The following CHSY1 variants were observed in gnomAD, a reference collection of about 807,000 sequenced individuals.
The protein encoded by CHSY1 is N-acetylgalactosaminyl-proteoglycan 3-beta-glucuronosyltransferase 1.
CHSY1 carries 13 observed loss-of-function variants against 59.8 expected under a neutral mutation model. That is an observed-to-expected ratio of 0.22 (90% CI 0.14 to 0.35). The LOEUF is 0.35. CHSY1 is among the 10% of genes least tolerant of loss of function. CHSY1 has a pLI of 1.00. For synonymous variants in CHSY1, 459 were observed against 401.2 expected, an observed-to-expected ratio of 1.14 and a Z score of -1.72; for missense variants, 947 against 1,030.6, an observed-to-expected ratio of 0.92 and a Z score of 1.11.
Position 101,251,737 on chromosome 15 carries a change from GC to G in CHSY1, c.-282del, listed in dbSNP as rs2039117779. 6.7e-6 allele frequency: 1 copy of G among 148,882 alleles called. No homozygotes were observed. Among genetic ancestry groups the G allele is most frequent in the South Asian group, 2.1e-4 (1 of 4,828 alleles). 9.2% of individuals were successfully genotyped at this position (148,882 alleles called of 1,614,324 possible). On this transcript the variant is annotated 5_prime_UTR_variant, in exon 1 of 3. The change abolishes the stop of an existing upstream ORF in the 5' untranslated region. Coordinates refer to ENST00000254190, the MANE Select transcript of CHSY1 (RefSeq NM_014918.5). ...GCGGCGGCTCGGGCGCGAGGTGGCGGCGGCTCCTCCCGCTCGCGCGCGGGGA... is the reference window on the plus strand; with the variant it reads ...GCGGCGGCTCGGGCGCGAGGTGGCGGGGCTCCTCCCGCTCGCGCGCGGGGA...
intron 2 of CHSY1, among the ~76,000 whole-genome samples, chr15:101,215,722 G>A (rs746915192): frequency 3.9e-5 from 6 of 152,322 alleles, no homozygotes; most frequent in Middle Eastern, 3.4e-3. Flanking sequence ...GCAACAAATC[G>A]AGACTCTGTC....
At position 101,251,337 on chromosome 15, in the gene CHSY1, C is replaced by G. The variant is rs772693719; in HGVS notation, c.120G>C (p.Arg40=). Residue 40 remains arginine, a synonymous_variant, in exon 1 of 3, where the codon CGG becomes CGC. Coordinates refer to ENST00000254190, the MANE Select transcript of CHSY1 (RefSeq NM_014918.5). ...RASELKRAGP[R]RRASPEGCRS... The stretch of plus-strand genomic sequence containing the variant: ...GGCAGCCCTCGGGGCTGGCGCGGCG[C>G]CGTGGGCCCGCTCGCTTCAGCTCGG... 1.7e-4 allele frequency: 194 copies of G among 1,138,288 alleles called. No individual in the cohort carries two copies. The highest frequency in any genetic ancestry group is 2.0e-4 in the Non-Finnish European group (187 of 914,534). 70.5% of individuals were successfully genotyped at this position (1,138,288 alleles called of 1,614,324 possible).
intron 2 of CHSY1, among the ~76,000 whole-genome samples, chr15:101,203,157 G>A (rs1303552077): frequency 6.6e-6 from 1 of 152,198 alleles, no homozygotes; most frequent in Non-Finnish European, 1.5e-5. Flanking sequence ...AATGCACTGG[G>A]TTGCAGAAAC....
chr15:101,217,071 A>G (rs974877773), intron 2 of CHSY1, among the ~76,000 whole-genome samples: 1 of 152,242 alleles, frequency 6.6e-6, no homozygotes, highest in Non-Finnish European at 1.5e-5. Flanking sequence ...GAAAATGTAC[A>G]TAAGCACTGT....
chr15:101,225,928 C>T (rs964256766), intron 2 of CHSY1, among the ~76,000 whole-genome samples: 1 of 152,208 alleles, frequency 6.6e-6, no homozygotes, highest in African/African-American at 2.4e-5. Flanking sequence ...GATCCCACCT[C>T]CTGAGAGTGT....
intron 2 of CHSY1, among the ~76,000 whole-genome samples, chr15:101,226,809 G>T (rs968458933): frequency 5.9e-5 from 9 of 152,304 alleles, no homozygotes; most frequent in Admixed American, 1.3e-4. Context: ...TAATTGGTTG[G>T]AAGTCTTTCT....
intron 2 of CHSY1, among the ~76,000 whole-genome samples, chr15:101,223,906 T>C (rs1413308820): frequency 6.6e-6 from 1 of 152,272 alleles, no homozygotes; most frequent in African/African-American, 2.4e-5. Context: ...TCCTGGCCCC[T>C]GTAACGATGT....
intron 2 of CHSY1, among the ~76,000 whole-genome samples, chr15:101,179,371 G>A (rs1250356560): frequency 6.6e-6 from 1 of 152,214 alleles, no homozygotes; most frequent in African/African-American, 2.4e-5. Context: ...GACCTGAATA[G>A]CAGATCCTGC....
chr15:101,179,498 G>C (rs745596082), intron 2 of CHSY1, among the ~76,000 whole-genome samples: 6 of 152,208 alleles, frequency 3.9e-5, no homozygotes, highest in African/African-American at 1.4e-4. Context: ...GCCTATCAGA[G>C]GCAGGAGGCG....
At chr15:101,237,342 GAAGAC>G (rs2038955751) in intron 1 of CHSY1, among the ~76,000 whole-genome samples, 1 of 151,642 alleles carries the variant, frequency 6.6e-6, no homozygotes, top group Non-Finnish European at 1.5e-5. Flanking sequence ...GAATGCGGCA[GAAGAC>G]AAGATTAAGG....
chr15:101,228,917 G>C (rs921123533), intron 2 of CHSY1, among the ~76,000 whole-genome samples: 4 of 152,122 alleles, frequency 2.6e-5, no homozygotes, highest in Non-Finnish European at 4.4e-5. Flanking sequence ...TCTGTTGACT[G>C]GCATACAACG....
At chr15:101,180,540 T>C (rs973276308) in intron 2 of CHSY1, among the ~76,000 whole-genome samples, 4 of 152,064 alleles carry the variant, frequency 2.6e-5, no homozygotes, top group Non-Finnish European at 5.9e-5. Context: ...CTGACCCCCA[T>C]GCAGCACACA....
At chr15:101,213,035 G>GA (rs939870289) in intron 2 of CHSY1, among the ~76,000 whole-genome samples, 3 of 151,962 alleles carry the variant, frequency 2.0e-5, no homozygotes, top group African/African-American at 7.2e-5. Flanking sequence ...CAAAAATGAA[G>GA]AAATTATCAA....
intron 2 of CHSY1, among the ~76,000 whole-genome samples, chr15:101,226,763 T>C (rs8030625): frequency 0.036 from 5,494 of 152,310 alleles, 253 homozygotes; most frequent in East Asian, 0.11. Flanking sequence ...ATGTCCAAAA[T>C]TTATTTTTGA....
chr15:101,237,806 G>A (rs2038962397), intron 1 of CHSY1, among the ~76,000 whole-genome samples: 1 of 152,232 alleles, frequency 6.6e-6, no homozygotes, highest in Non-Finnish European at 1.5e-5. Context: ...CAAGAAAAAT[G>A]TATCGTGGAG....
At chr15:101,233,361 AGAAGGTCTG>A (rs1244065479) in intron 2 of CHSY1, among the ~76,000 whole-genome samples, 2 of 152,162 alleles carry the variant, frequency 1.3e-5, no homozygotes, top group African/African-American at 4.8e-5. Flanking sequence ...CTCTCCCGAA[AGAAGGTCTG>A]TCCTCTATGA....
In CHSY1 at chr15:101,251,427, G is replaced by A. The variant is rs1220208351; in HGVS notation, c.30C>T (p.Leu10=). Residue 10 remains leucine, a synonymous_variant, in exon 1 of 3, where the codon CTC becomes CTT. Coordinates refer to ENST00000254190, the MANE Select transcript of CHSY1 (RefSeq NM_014918.5). MAARGRRAW[L]SVLLGLVLGF... is the part of the protein sequence containing the mutation. ...CCAGGACGAGCCCGAGCAGCACGCT[G>A]AGCCAGGCGCGCCGGCCGCGCGCGG... 1.8e-5 allele frequency: 20 copies of A among 1,098,144 alleles called. No individual in the cohort carries two copies. Among genetic ancestry groups the A allele is most frequent in the Admixed American group, 7.3e-5 (2 of 27,564 alleles). The allele number at this position is 1,098,144 out of a possible 1,614,324, so 68.0% of individuals were successfully genotyped here.
intron 2 of CHSY1, among the ~76,000 whole-genome samples, chr15:101,180,296 G>A (rs1172685753): frequency 1.3e-5 from 2 of 152,182 alleles, no homozygotes; most frequent in African/African-American, 4.8e-5. Flanking sequence ...CCGTGAGTCC[G>A]GTCTTAGAGC....
Position 101,178,591 on chromosome 15 carries a change from C to T in CHSY1, c.1206G>A (p.Arg402=), listed in dbSNP as rs776665009. The T allele has an allele frequency of 1.5e-5, 24 of 1,614,104 alleles. No homozygotes were observed. The African/African-American group carries it at 2.3e-4, about 15-fold the overall frequency. ...PPRRGMDSAQ[R]EALDDIVMQV... is the part of the protein sequence containing the mutation. ...GCATGACAATGTCGTCCAAGGCTTC[C>T]CTCTGGGCGGAGTCCATTCCTCTTC... The change falls in exon 3 of 3, where the codon AGG becomes AGA. Residue 402 remains arginine, a synonymous_variant. Coordinates refer to ENST00000254190, the MANE Select transcript of CHSY1 (RefSeq NM_014918.5).
Sources: gnomAD v4.1 joint callset for allele counts (sites outside exome capture counted in the v4.1 genomes callset) on GRCh38, gnomAD v4.1.1 for gene constraint, MANE v1.5 for transcripts, NCBI Gene and HGNC (gene_info 2026-07-23, HGNC 2026-07-21) for gene names.